Variants in SLC4A8 observed in about 807,000 individuals in gnomAD.
The protein encoded by SLC4A8 is solute carrier family 4 member 8, also known as electroneutral sodium bicarbonate exchanger 1.
Under a neutral mutation model 125.0 loss-of-function variants are expected in SLC4A8, and 40 were observed. That is an observed-to-expected ratio of 0.32 (90% CI 0.25 to 0.42). SLC4A8 has a LOEUF of 0.42. SLC4A8 is among the 10% of genes least tolerant of loss of function. The pLI is 1.00. For synonymous variants in SLC4A8, 456 were observed against 476.0 expected (o/e 0.96, Z 0.55); for missense variants, 863 against 1,355.1 (o/e 0.64, Z 5.70).
At chr12:51,439,633 C>G (rs1949532445) in intron 1 of SLC4A8, among the ~76,000 whole-genome samples, 1 of 151,482 alleles carries the variant, frequency 6.6e-6, no homozygotes, top group Non-Finnish European at 1.5e-5. Flanking sequence ...GAAAGAAATG[C>G]CTAATATGAT....
rs1487388109 is a variant in SLC4A8 at position 51,463,648 on chromosome 12, A to G, written c.1283A>G (p.Asn428Ser). ...AAAATGCCTGGAGTTCCAAATGGAAATGTTTGCCACATAGAACAGGAACCA... is the reference window on the plus strand; with the variant it reads ...AAAATGCCTGGAGTTCCAAATGGAAGTGTTTGCCACATAGAACAGGAACCA... ...KRKMPGVPNG[N>S]VCHIEQEPHG... Residue 428 changes from asparagine to serine, a missense_variant, in exon 11 of 25, where the codon AAT (asparagine) becomes AGT (serine). Around this residue, in one of 6 missense-constraint regions of SLC4A8, gnomAD observed 390 missense variants for 634.4 expected, o/e 0.61. Coordinates refer to ENST00000453097, the MANE Select transcript of SLC4A8 (RefSeq NM_001039960.3). 2 of 1,614,108 alleles carry G rather than the reference A, an allele frequency of 1.2e-6. No homozygotes were observed. Among genetic ancestry groups the G allele is most frequent in the Non-Finnish European group, 1.7e-6 (2 of 1,179,944 alleles).
intron 2 of SLC4A8, among the ~76,000 whole-genome samples, chr12:51,445,096 G>A (rs984085114): frequency 6.6e-6 from 1 of 152,188 alleles, no homozygotes; most frequent in Non-Finnish European, 1.5e-5. Flanking sequence ...CCTAAGTCCA[G>A]CTCTATCTAG....
intron 1 of SLC4A8, among the ~76,000 whole-genome samples, chr12:51,393,052 TAC>T (rs1253576598): frequency 1.2e-4 from 14 of 116,956 alleles, no homozygotes; most frequent in Non-Finnish European, 2.0e-4. Context: ...CTTTCTTTCT[TAC>T]TCTCTCTGTC....
intron 1 of SLC4A8, among the ~76,000 whole-genome samples, chr12:51,438,501 T>A (rs117008281): frequency 0.01 from 1,543 of 152,364 alleles, 49 homozygotes; most frequent in East Asian, 0.065. Flanking sequence ...TGTGTATATA[T>A]GCCATATTTT....
At position 51,494,944 on chromosome 12, in the gene SLC4A8, G is replaced by T; in HGVS notation, c.2770-1G>T. ...AATAAATGCCAGTTCCTTCCTTTCAGTTCTTTGATCGTCTAAAGCTCTTTG... is the reference window on the plus strand; with the variant it reads ...AATAAATGCCAGTTCCTTCCTTTCATTTCTTTGATCGTCTAAAGCTCTTTG... On this transcript the variant is annotated splice_acceptor_variant, in intron 20 of 24. Coordinates refer to ENST00000453097, the MANE Select transcript of SLC4A8 (RefSeq NM_001039960.3). LOFTEE classifies it high-confidence loss of function. 1 of 1,613,190 alleles carries T rather than the reference G, an allele frequency of 6.2e-7. No individual in the cohort carries two copies. Among genetic ancestry groups the T allele is most frequent in the Non-Finnish European group, 8.5e-7 (1 of 1,179,312 alleles).
intron 16 of SLC4A8, among the ~76,000 whole-genome samples, chr12:51,485,315 G>C (rs1272280964): frequency 6.6e-6 from 1 of 152,202 alleles, no homozygotes; most frequent in Non-Finnish European, 1.5e-5. Context: ...TGGTGACTTG[G>C]ATCTGGGTGG....
chr12:51,463,025 C>T (rs931826760), intron 10 of SLC4A8: 1 of 152,478 alleles, frequency 6.6e-6, no homozygotes, highest in Non-Finnish European at 1.5e-5. Flanking sequence ...GAAGGGAGAA[C>T]ATTTCTTGTG....
Position 51,511,387 on chromosome 12 carries a change from G to A in SLC4A8, c.*3949G>A, listed in dbSNP as rs556550851. ...CTCCTGGAATCAAAATGAGTGTGGA[G>A]TCATAATATATATTTTTTTTGAGAC... is the stretch of plus-strand genomic sequence containing the variant. On this transcript the variant is annotated 3_prime_UTR_variant, in exon 25 of 25. Coordinates refer to ENST00000453097, the MANE Select transcript of SLC4A8 (RefSeq NM_001039960.3). 3.3e-5 allele frequency: 5 copies of A among 152,212 alleles called. No individual in the cohort carries two copies. The South Asian group carries it at 1.0e-3, about 32-fold the overall frequency. The allele number at this position is 152,212 out of a possible 1,614,324, so 9.4% of individuals were successfully genotyped here.
intron 15 of SLC4A8, 172 bp downstream of exon 15, chr12:51,474,619 A>G: frequency 8.3e-7 from 1 of 1,204,518 alleles, no homozygotes; most frequent in Non-Finnish European, 1.1e-6. Context: ...TTTTTCTTGT[A>G]TGTTAAGGGA....
rs192459066 is a variant in SLC4A8 at position 51,514,006 on chromosome 12, A to G, written c.*6568A>G. On this transcript the variant is annotated 3_prime_UTR_variant, in exon 25 of 25. Coordinates refer to ENST00000453097, the MANE Select transcript of SLC4A8 (RefSeq NM_001039960.3). ...CCCTGCATCTTCTCTGTTTATTTCA[A>G]TGTCCATGTTCTGAGTCTCAAGTTT... 9.2e-5 allele frequency: 14 copies of G among 152,324 alleles called. No homozygotes were observed. The highest frequency in any genetic ancestry group is 5.2e-4 in the Admixed American group (8 of 15,302). The allele number at this position is 152,324 out of a possible 1,614,324, so 9.4% of individuals were successfully genotyped here.
chr12:51,455,563 A>G (rs1266706562), intron 5 of SLC4A8, among the ~76,000 whole-genome samples: 1 of 152,162 alleles, frequency 6.6e-6, no homozygotes, highest in Non-Finnish European at 1.5e-5. Context: ...TCCTGATGTG[A>G]TTGAGTGTTA....
intron 22 of SLC4A8, among the ~76,000 whole-genome samples, chr12:51,498,082 A>G (rs1937650865): frequency 6.6e-6 from 1 of 151,622 alleles, no homozygotes; most frequent in Admixed American, 6.6e-5. Flanking sequence ...TTTTTCCCCT[A>G]ATATCTTGAA....
Position 51,400,726 on chromosome 12 carries a change from TTATATATATATATATA to T in SLC4A8, c.-112+9275_-112+9290del, listed in dbSNP as rs869058430. 7.4e-3 allele frequency among the ~76,000 whole-genome samples: 308 copies of T among 41,868 alleles called. 2 individuals are homozygous for T. The highest frequency in any genetic ancestry group is 0.012 in the Admixed American group (34 of 2,742). 27.5% of individuals were successfully genotyped at this position (41,868 alleles called of 152,430 possible). ...TTGAGAGGAGTGTGAATGAACTCCT[TTATATATATATATATA>T]TATATATATATATATATATATATAT... On this transcript the variant is annotated intron_variant, in intron 1 of 24. Transcript: ENST00000358657.
intron 22 of SLC4A8, among the ~76,000 whole-genome samples, chr12:51,503,691 G>A (rs1938036903): frequency 6.6e-6 from 1 of 152,148 alleles, no homozygotes; most frequent in South Asian, 2.1e-4. Context: ...CAGGGTCTTT[G>A]ACCTCTAGGG....
At chr12:51,480,496 G>A (rs1950998576) in intron 16 of SLC4A8, 3 of 1,032,546 alleles carry the variant, frequency 2.9e-6, no homozygotes, top group South Asian at 3.2e-5. Context: ...TGGTATAATT[G>A]TGAAGTTCTC....
chr12:51,435,854 A>G lies in SLC4A8; in HGVS notation c.49-4854A>G, dbSNP rs535907528. Among the ~76,000 whole-genome samples, 5 of 152,104 alleles carry G rather than the reference A, an allele frequency of 3.3e-5. No homozygotes were observed. In the East Asian group the frequency reaches 9.6e-4, roughly 29 times the overall value. Reference sequence around the variant, plus strand: ...AAGATGTTTTAGACTTACCTTGTACATTTCCTGGCTGGGACCTATGACCAG... The same window carrying G: ...AAGATGTTTTAGACTTACCTTGTACGTTTCCTGGCTGGGACCTATGACCAG... On this transcript the variant is annotated intron_variant, in intron 1 of 24. Coordinates refer to ENST00000453097, the MANE Select transcript of SLC4A8 (RefSeq NM_001039960.3).
At chr12:51,455,836 C>T (rs1021563661) in intron 5 of SLC4A8, among the ~76,000 whole-genome samples, 8 of 152,168 alleles carry the variant, frequency 5.3e-5, no homozygotes, top group Middle Eastern at 3.2e-3. Context: ...ATGAAATTCT[C>T]ATGTTCATCA....
At chr12:51,464,126 T>A (rs1950439399) in intron 11 of SLC4A8, among the ~76,000 whole-genome samples, 1 of 152,098 alleles carries the variant, frequency 6.6e-6, no homozygotes, top group Admixed American at 6.6e-5. Flanking sequence ...GACCCTCCCT[T>A]CCCCACATTA....
At chr12:51,490,081 T>A in intron 19 of SLC4A8, 130 bp downstream of exon 19, 1 of 811,688 alleles carries the variant, frequency 1.2e-6, no homozygotes, top group Non-Finnish European at 2.0e-6. Context: ...GAGTTTATTC[T>A]AGAGGGATAA....
Sources: allele counts gnomAD v4.1 joint callset (sites outside exome capture counted in the v4.1 genomes callset), GRCh38; gene constraint gnomAD v4.1.1; regional missense constraint gnomAD v4.1.1; transcripts MANE v1.5; gene names NCBI Gene and HGNC (gene_info 2026-07-23, HGNC 2026-07-21).